NOL12: variants seen among roughly 807,000 people sequenced by gnomAD.
NOL12 encodes nucleolar protein 12.
A neutral mutation model predicts 25.2 loss-of-function variants in NOL12; 21 were observed. The ratio of observed to expected loss-of-function variants is 0.83; its 90% CI spans 0.59 to 1.20. The LOEUF (loss-of-function observed/expected upper bound fraction) is 1.20. NOL12 is among the 50% of genes most tolerant of loss of function. The probability of loss-of-function intolerance (pLI) is 0.00; values close to 1 mark genes in which losing one functional copy is unlikely to be tolerated. For missense variants in NOL12, 286 were observed against 287.6 expected, an observed-to-expected ratio of 0.99 and a Z score of 0.04; for synonymous variants, 133 against 113.8, an observed-to-expected ratio of 1.17 and a Z score of -1.08.
rs766314049 is a variant in NOL12 at position 37,687,946 on chromosome 22, G to C, written c.120G>C (p.Glu40Asp). The change falls in exon 2 of 6, where the codon GAG (glutamate) becomes GAC (aspartate). Residue 40 changes from glutamate to aspartate, a missense_variant. Coordinates refer to ENST00000359114, the MANE Select transcript of NOL12 (RefSeq NM_024313.3). ...CAGGCTTCCACAAGCGGAAGGTCGA[G>C]CGAAAGAAGGCAGCCATTGAGGAGA... ...YLTGFHKRKVERKKAAIEEIK... is the reference protein window; with the variant it reads ...YLTGFHKRKVDRKKAAIEEIK... 6.3e-7 allele frequency: 1 copy of C among 1,587,274 alleles called. No homozygotes were observed. The highest frequency in any genetic ancestry group is 2.3e-5 in the East Asian group (1 of 43,952).
intron 5 of NOL12, 102 bp downstream of exon 5, chr22:37,690,896 C>T: frequency 1.2e-6 from 1 of 843,820 alleles, no homozygotes; most frequent in Non-Finnish European, 1.9e-6. Context: ...CCGGAGCAGC[C>T]CTCTGCCTGT....
rs1439158760 is a variant in NOL12, at chr22:37,692,227, C to T, written c.*891C>T. ...CAAAAATTAGCCAGGTGTGGTGGCA[C>T]ACGCGTGTAATCCCAGCTACTTGGG... On this transcript the variant is annotated 3_prime_UTR_variant, in exon 6 of 6. Transcript: ENST00000359114. 2.3e-5 allele frequency: 7 copies of T among 309,188 alleles called. No individual in the cohort carries two copies. Among genetic ancestry groups the T allele is most frequent in the Admixed American group, 2.0e-4 (4 of 19,888 alleles). The allele number at this position is 309,188 out of a possible 1,614,324, so 19.2% of individuals were successfully genotyped here.
intron 1 of NOL12, chr22:37,686,721 A>G: frequency 1.0e-6 from 1 of 985,442 alleles, no homozygotes; most frequent in Non-Finnish European, 1.2e-6. Flanking sequence ...CTCGGGTCTC[A>G]GAGCAGTGGC....
intron 1 of NOL12, among the ~76,000 whole-genome samples, chr22:37,687,607 G>A (rs1486852425): frequency 2.0e-5 from 3 of 152,108 alleles, no homozygotes; most frequent in African/African-American, 7.2e-5. Flanking sequence ...GCAGGCATGC[G>A]CCACCAAGCC....
chr22:37,691,459 G>A lies in NOL12; in HGVS notation c.*123G>A. 8.6e-7 allele frequency: 1 copy of A among 1,164,404 alleles called. No homozygotes were observed. The highest frequency in any genetic ancestry group is 1.1e-6 in the Non-Finnish European group (1 of 871,830). The allele number at this position is 1,164,404 out of a possible 1,614,324, so 72.1% of individuals were successfully genotyped here. A position where few individuals can be genotyped will look rare whatever the true frequency, so the allele number is the denominator to read the frequency against. ...GCACAGCTCAAGGTTGGGAAGCCAGGACCTCTCTGGCCTGGGGCCAGCTGC... is the reference window on the plus strand; with the variant it reads ...GCACAGCTCAAGGTTGGGAAGCCAGAACCTCTCTGGCCTGGGGCCAGCTGC... On this transcript the variant is annotated 3_prime_UTR_variant, in exon 6 of 6. Coordinates refer to ENST00000359114, the MANE Select transcript of NOL12 (RefSeq NM_024313.3).
chr22:37,692,224 G>A lies in NOL12; in HGVS notation c.*888G>A. On this transcript the variant is annotated 3_prime_UTR_variant, in exon 6 of 6. Transcript: ENST00000359114. ...ATGCAAAAATTAGCCAGGTGTGGTG[G>A]CACACGCGTGTAATCCCAGCTACTT... 3.3e-6 allele frequency: 1 copy of A among 303,966 alleles called. No homozygotes were observed. Among genetic ancestry groups the A allele is most frequent in the East Asian group, 5.2e-5 (1 of 19,228 alleles). The allele number at this position is 303,966 out of a possible 1,614,324, so 18.8% of individuals were successfully genotyped here. A position where few individuals can be genotyped will look rare whatever the true frequency, so the allele number is the denominator to read the frequency against.
intron 3 of NOL12, 68 bp from the exon 4 acceptor site, chr22:37,688,782 C>T (rs746418122): frequency 1.9e-5 from 30 of 1,562,792 alleles, no homozygotes; most frequent in Non-Finnish European, 2.6e-5. Flanking sequence ...CACTCCAGGG[C>T]GGGAGGGAGG....
intron 4 of NOL12, among the ~76,000 whole-genome samples, chr22:37,690,331 A>AAAAAC (rs200155882): frequency 1.3e-5 from 2 of 152,332 alleles, no homozygotes; most frequent in East Asian, 1.9e-4. Context: ...CTCCATCTCA[A>AAAAAC]AAAACAAAAC....
At chr22:37,688,819 A>T in intron 3 of NOL12, 31 bp from the exon 4 acceptor site, 1 of 1,613,194 alleles carries the variant, frequency 6.2e-7, no homozygotes, top group Non-Finnish European at 8.5e-7. Flanking sequence ...CGTTCCCGTG[A>T]CTGAGACCAG....
chr22:37,686,449 T>G lies in NOL12; in HGVS notation c.57T>G (p.Val19=), dbSNP rs779687635. ...GTGACGACCGGCGGCCGAGGCTCGTTCTTAGCTTCGACGAGGAGAAGAGGC... is the reference window on the plus strand; with the variant it reads ...GTGACGACCGGCGGCCGAGGCTCGTGCTTAGCTTCGACGAGGAGAAGAGGC... ...RDGDDRRPRL[V]LSFDEEKRRE... Residue 19 remains valine (V), a synonymous_variant, in exon 1 of 6, where the codon GTT becomes GTG. Coordinates refer to ENST00000359114, the MANE Select transcript of NOL12 (RefSeq NM_024313.3). The G allele has an allele frequency of 6.2e-7, 1 of 1,605,250 alleles. No individual in the cohort carries two copies. Among genetic ancestry groups the G allele is most frequent in the East Asian group, 2.3e-5 (1 of 43,940 alleles).
At chr22:37,689,293 C>T (rs1921961563) in intron 4 of NOL12, among the ~76,000 whole-genome samples, 1 of 152,212 alleles carries the variant, frequency 6.6e-6, no homozygotes, top group Admixed American at 6.5e-5. Context: ...TTCCCTTTCT[C>T]CATCAGTGAA....
At chr22:37,686,757 C>T in intron 1 of NOL12, 5 of 985,468 alleles carry the variant, frequency 5.1e-6, no homozygotes, top group Non-Finnish European at 6.0e-6. Flanking sequence ...CCAGCCCAGT[C>T]CATCGGTCCG....
chr22:37,687,704 C>T (rs982400424), intron 1 of NOL12: 5 of 437,162 alleles, frequency 1.1e-5, no homozygotes, highest in Admixed American at 1.1e-4. Flanking sequence ...GTGATCTTCC[C>T]ACCTCGACCT....
At position 37,692,659 on chromosome 22, in the gene NOL12, TGACAG is replaced by T; in HGVS notation, c.*1329_*1333del. On this transcript the variant is annotated 3_prime_UTR_variant, in exon 6 of 6. Coordinates refer to ENST00000359114, the MANE Select transcript of NOL12 (RefSeq NM_024313.3). ...ACGCCCGTGGACTATGGAGTCAGGA[TGACAG>T]GACAGTGCGGTGAGGGGCATCTGCG... 2 of 398,848 alleles carry T rather than the reference TGACAG, an allele frequency of 5.0e-6. No individual in the cohort carries two copies. The highest frequency in any genetic ancestry group is 7.1e-5 in the East Asian group (2 of 28,068). The allele number at this position is 398,848 out of a possible 1,614,324, so 24.7% of individuals were successfully genotyped here. A position where few individuals can be genotyped will look rare whatever the true frequency, so the allele number is the denominator to read the frequency against.
chr22:37,687,039 C>G, intron 1 of NOL12: 1 of 985,364 alleles, frequency 1.0e-6, no homozygotes, highest in Non-Finnish European at 1.2e-6. Flanking sequence ...TGAGATTAGA[C>G]CGAGGGAAGG....
chr22:37,687,142 G>C (rs995122800), intron 1 of NOL12: 1 of 966,698 alleles, frequency 1.0e-6, no homozygotes, highest in African/African-American at 1.8e-5. Flanking sequence ...TGGGGACATG[G>C]GTGTTGGTCC....
chr22:37,687,923 G>T lies in NOL12; in HGVS notation c.97G>T (p.Gly33Cys). 6.3e-7 allele frequency: 1 copy of T among 1,575,722 alleles called. No individual in the cohort carries two copies. The highest frequency in any genetic ancestry group is 8.6e-7 in the Non-Finnish European group (1 of 1,160,794). The change falls in exon 2 of 6, where the codon GGC becomes TGC. Residue 33 changes from glycine (G) to cysteine (C), a missense_variant. Gly to Cys is a radical substitution (Grantham distance 159, BLOSUM62 -3). Transcript: ENST00000359114. ...DEEKRREYLTGFHKRKVERKK... is the reference protein window; with the variant it reads ...DEEKRREYLTCFHKRKVERKK... ...TCCTTCCTGTAGGGAGTACCTGACA[G>T]GCTTCCACAAGCGGAAGGTCGAGCG...
rs1398109003 is a variant in NOL12 at position 37,691,379 on chromosome 22, T to A, written c.*43T>A. On this transcript the variant is annotated 3_prime_UTR_variant, in exon 6 of 6. Transcript: ENST00000359114. Reference sequence around the variant, plus strand: ...TGCCCCAGTCTAGGCTGCGGGGACCTGTCCTTGCTCAGCTTGGCTGTCCCT... The same window carrying A: ...TGCCCCAGTCTAGGCTGCGGGGACCAGTCCTTGCTCAGCTTGGCTGTCCCT... 3 of 1,554,130 alleles carry A rather than the reference T, an allele frequency of 1.9e-6. No individual in the cohort carries two copies. Among genetic ancestry groups the A allele is most frequent in the South Asian group, 1.2e-5 (1 of 83,416 alleles).
intron 1 of NOL12, chr22:37,686,878 C>G: frequency 1.0e-6 from 1 of 985,430 alleles, no homozygotes; most frequent in Non-Finnish European, 1.2e-6. Context: ...TTTGGTGTGC[C>G]AGGTCCCGTA....
Sources: allele counts gnomAD v4.1 joint callset (sites outside exome capture counted in the v4.1 genomes callset), GRCh38; gene constraint gnomAD v4.1.1; transcripts MANE v1.5; gene names NCBI Gene and HGNC (gene_info 2026-07-23, HGNC 2026-07-21).